The following GLYATL2 variants were observed in gnomAD, a reference collection of about 807,000 sequenced individuals.
The protein encoded by GLYATL2 is glycine N-acyltransferase-like protein 2.
Under a neutral mutation model 21.4 loss-of-function variants are expected in GLYATL2, and 25 were observed. That is an observed-to-expected ratio of 1.17 (90% confidence interval 0.85 to 1.63). The LOEUF is 1.63. Ranked by LOEUF, GLYATL2 falls within the 40% of genes most tolerant of loss-of-function variation. The pLI, the probability that GLYATL2 is intolerant of heterozygous loss-of-function variation, is 0.00. For missense variants in GLYATL2, 361 were observed against 343.3 expected (o/e 1.05, Z -0.41); for synonymous variants, 114 against 118.2 (o/e 0.96, Z 0.23).
chr11:58,905,012 A>C (rs1222987674), upstream of GLYATL2, among the ~76,000 whole-genome samples: 1 of 152,230 alleles, frequency 6.6e-6, no homozygotes, highest in Non-Finnish European at 1.5e-5. Flanking sequence ...CTCAAGCCCC[A>C]TGCAAAGCAC....
intron 1 of GLYATL2, among the ~76,000 whole-genome samples, chr11:58,852,174 C>T (rs2134587642): frequency 6.6e-6 from 1 of 152,176 alleles, no homozygotes; most frequent in East Asian, 1.9e-4. Context: ...CTTTCATAGG[C>T]TCACTCCTTC....
At chr11:58,906,930 A>C (rs1260360820), upstream of GLYATL2, among the ~76,000 whole-genome samples, 7 of 152,162 alleles carry the variant, frequency 4.6e-5, no homozygotes, top group Non-Finnish European at 8.8e-5. Context: ...ACCCCGACAT[A>C]CTGAATCAGA....
intron 1 of GLYATL2, among the ~76,000 whole-genome samples, chr11:58,889,744 C>T (rs1373423513): frequency 6.6e-6 from 1 of 152,144 alleles, no homozygotes; most frequent in South Asian, 2.1e-4. Flanking sequence ...TTTTGATATA[C>T]TACCGAATAT....
upstream of GLYATL2, among the ~76,000 whole-genome samples, chr11:58,909,000 G>T (rs1383244589): frequency 6.6e-6 from 1 of 152,144 alleles, no homozygotes; most frequent in East Asian, 1.9e-4. Flanking sequence ...TCAGAGCAAG[G>T]ATCTGAACCC....
intron 1 of GLYATL2, among the ~76,000 whole-genome samples, chr11:58,868,705 T>C (rs1343203989): frequency 6.7e-6 from 1 of 148,906 alleles, no homozygotes. Flanking sequence ...AAGCAGCTGC[T>C]TACCCAATTT....
chr11:58,855,296 A>C (rs752184935), intron 1 of GLYATL2, among the ~76,000 whole-genome samples: 1 of 152,230 alleles, frequency 6.6e-6, no homozygotes, highest in Non-Finnish European at 1.5e-5. Context: ...GATGTATGTT[A>C]GCAAGCATGA....
intron 1 of GLYATL2, among the ~76,000 whole-genome samples, chr11:58,888,333 T>C (rs1419233951): frequency 1.3e-5 from 2 of 152,222 alleles, no homozygotes; most frequent in East Asian, 3.9e-4. Flanking sequence ...GTATTATCTT[T>C]TTCACTATGT....
intron 1 of GLYATL2, among the ~76,000 whole-genome samples, chr11:58,888,456 A>C (rs190032217): frequency 6.6e-6 from 1 of 152,136 alleles, no homozygotes; most frequent in African/African-American, 2.4e-5. Flanking sequence ...CTTTTGACAT[A>C]TCAATATTCA....
intron 1 of GLYATL2, among the ~76,000 whole-genome samples, chr11:58,853,067 CAT>C (rs1275877986): frequency 3.9e-5 from 6 of 152,166 alleles, no homozygotes; most frequent in Admixed American, 2.6e-4. Flanking sequence ...TTTATTCAAA[CAT>C]AGTTTTACCA....
chr11:58,867,132 G>A (rs1314551567), intron 1 of GLYATL2, among the ~76,000 whole-genome samples: 1 of 148,910 alleles, frequency 6.7e-6, no homozygotes, highest in Non-Finnish European at 1.5e-5. Flanking sequence ...GGGCCTCATA[G>A]GGATTCAAAG....
chr11:58,857,991 G>C (rs1468335777), intron 1 of GLYATL2, among the ~76,000 whole-genome samples: 1 of 151,566 alleles, frequency 6.6e-6, no homozygotes, highest in East Asian at 1.9e-4. Flanking sequence ...ATTGGAGTTT[G>C]GGCTTTAAAA....
At position 58,861,350 on chromosome 11, in the gene GLYATL2, AT is replaced by A. The variant is rs79535939; in HGVS notation, n.61-22983del. Among the ~76,000 whole-genome samples the A allele has an allele frequency of 1.1e-3, 169 of 152,058 alleles. 2 individuals carry two copies. The East Asian group carries it at 0.028, about 25-fold the overall frequency. ...CTAGGAATTTACTCATTTATTCTAG[AT>A]TATTCCAATTTGTTGGCATATAATT... On this transcript the variant is annotated intron_variant and non_coding_transcript_variant, in intron 1 of 4. Coordinates refer to the GLYATL2 transcript ENST00000533636.
At chr11:58,858,659 T>A (rs113299189) in intron 1 of GLYATL2, among the ~76,000 whole-genome samples, 1,759 of 152,280 alleles carry the variant, frequency 0.012, 14 homozygotes, top group South Asian at 0.045. Context: ...TTGCCTTATA[T>A]TTAAAAAGGA....
At chr11:58,855,695 A>G (rs1441762650) in intron 1 of GLYATL2, among the ~76,000 whole-genome samples, 1 of 152,232 alleles carries the variant, frequency 6.6e-6, no homozygotes, top group Non-Finnish European at 1.5e-5. Flanking sequence ...TCTTCTTCCA[A>G]AAGAAACCTG....
intron 1 of GLYATL2, among the ~76,000 whole-genome samples, chr11:58,893,777 T>C (rs1854587953): frequency 6.6e-6 from 1 of 152,176 alleles, no homozygotes; most frequent in African/African-American, 2.4e-5. Flanking sequence ...TTTATGAAAC[T>C]TGGATGATAG....
rs371193328 is a variant in GLYATL2, at chr11:58,864,865, GA to G, written n.61-26498del. Among the ~76,000 whole-genome samples the G allele has an allele frequency of 1.6e-4, 24 of 149,096 alleles. 2 individuals are homozygous for G. The Middle Eastern group carries it at 0.01, about 63-fold the overall frequency. ...GCATCCAGTCAGATTTCTAAATAAT[GA>G]TTTTCAAAGTGCCTCAGCAGCATCA... On this transcript the variant is annotated intron_variant and non_coding_transcript_variant, in intron 1 of 4. Coordinates refer to the GLYATL2 transcript ENST00000533636.
chr11:58,899,724 G>A (rs1482862400), intron 1 of GLYATL2, among the ~76,000 whole-genome samples: 3 of 152,032 alleles, frequency 2.0e-5, no homozygotes, highest in East Asian at 1.9e-4. Flanking sequence ...GTGAACAAAG[G>A]ACATACTTGA....
At chr11:58,860,553 A>G (rs1853912946) in intron 1 of GLYATL2, among the ~76,000 whole-genome samples, 1 of 152,084 alleles carries the variant, frequency 6.6e-6, no homozygotes. Flanking sequence ...AAACAGGAAT[A>G]TATTTAGCTA....
At chr11:58,868,361 C>T (rs1403468401) in intron 1 of GLYATL2, among the ~76,000 whole-genome samples, 1 of 148,784 alleles carries the variant, frequency 6.7e-6, no homozygotes, top group Non-Finnish European at 1.5e-5. Context: ...CCCATCCAGA[C>T]AATGGGACAC....
Sources: allele counts gnomAD v4.1 joint callset (sites outside exome capture counted in the v4.1 genomes callset), GRCh38; gene constraint gnomAD v4.1.1; transcripts MANE v1.5; gene names NCBI Gene and HGNC (gene_info 2026-07-23, HGNC 2026-07-21).